The following RIT2 variants were observed in gnomAD, a reference collection of about 807,000 sequenced individuals.
The protein encoded by RIT2 is GTP-binding protein Rit2.
Under a neutral mutation model 23.7 loss-of-function variants are expected in RIT2, and 24 were observed. That is an observed-to-expected ratio of 1.01 (90% CI 0.73 to 1.43). The LOEUF is 1.43. Among genes scored for constraint, RIT2 ranks in the 40% most tolerant of loss-of-function variants. The pLI is 0.00. For missense variants in RIT2, 236 were observed against 266.9 expected, an observed-to-expected ratio of 0.88 and a Z score of 0.81; for synonymous variants, 107 against 91.1, an observed-to-expected ratio of 1.17 and a Z score of -0.99.
intron 2 of RIT2, among the ~76,000 whole-genome samples, chr18:43,033,409 A>G (rs571068625): frequency 6.6e-6 from 1 of 152,290 alleles, no homozygotes; most frequent in Non-Finnish European, 1.5e-5. Context: ...TAACATGGCT[A>G]AATAACTCTG....
intron 1 of RIT2, among the ~76,000 whole-genome samples, chr18:43,087,437 G>C (rs1913312185): frequency 6.6e-6 from 1 of 152,006 alleles, no homozygotes; most frequent in Non-Finnish European, 1.5e-5. Flanking sequence ...AGATAATCCT[G>C]GGAGGCACCT....
chr18:43,029,918 C>T (rs1911816589), intron 2 of RIT2, among the ~76,000 whole-genome samples: 1 of 151,844 alleles, frequency 6.6e-6, no homozygotes, highest in Admixed American at 6.6e-5. Flanking sequence ...ACTAGAACAC[C>T]TTTGATTAGT....
chr18:43,049,086 A>T lies in RIT2; in HGVS notation c.104-15219T>A, dbSNP rs1220575242. Among the ~76,000 whole-genome samples the T allele has an allele frequency of 1.3e-5, 2 of 152,152 alleles. 1 individual carries two copies. Among genetic ancestry groups the T allele is most frequent in the Non-Finnish European group, 2.9e-5 (2 of 68,024 alleles). On this transcript the variant is annotated intron_variant, in intron 1 of 4. Transcript: ENST00000326695. ...ATACATAAATTGTAGCATCACTAGT[A>T]TGGCACTCCAACTCTCTGGAGGAAA...
chr18:43,093,476 T>C (rs1913472974), intron 1 of RIT2, among the ~76,000 whole-genome samples: 1 of 151,916 alleles, frequency 6.6e-6, no homozygotes, highest in Admixed American at 6.6e-5. Context: ...TTTATTGTTA[T>C]AGACCTAGTT....
intron 3 of RIT2, among the ~76,000 whole-genome samples, chr18:42,945,585 G>A (rs1227389467): frequency 1.3e-5 from 2 of 152,118 alleles, no homozygotes; most frequent in African/African-American, 2.4e-5. Context: ...CATGACAGAA[G>A]AAGCATTAGT....
intron 1 of RIT2, among the ~76,000 whole-genome samples, chr18:43,085,311 A>G (rs765471273): frequency 1.3e-5 from 2 of 152,126 alleles, no homozygotes; most frequent in Non-Finnish European, 2.9e-5. Context: ...ACTGATTCAC[A>G]TATCTATTAC....
At chr18:43,077,498 CT>C (rs1344750768) in intron 1 of RIT2, among the ~76,000 whole-genome samples, 1 of 152,036 alleles carries the variant, frequency 6.6e-6, no homozygotes. Flanking sequence ...GAGTTTAAGC[CT>C]GGCCCTTTGT....
chr18:42,945,075 A>G (rs369486867), intron 3 of RIT2, among the ~76,000 whole-genome samples: 1 of 152,104 alleles, frequency 6.6e-6, no homozygotes, highest in East Asian at 1.9e-4. Context: ...TTATAAAATA[A>G]TATTTCTCAA....
intron 4 of RIT2, among the ~76,000 whole-genome samples, chr18:42,759,783 AT>A (rs1477126527): frequency 2.0e-5 from 3 of 148,532 alleles, no homozygotes; most frequent in Non-Finnish European, 4.5e-5. Flanking sequence ...ATATATATAA[AT>A]TTTTTTTTCA....
At chr18:43,104,257 G>T (rs1323018802) in intron 1 of RIT2, among the ~76,000 whole-genome samples, 1 of 152,146 alleles carries the variant, frequency 6.6e-6, no homozygotes, top group Non-Finnish European at 1.5e-5. Flanking sequence ...TAGAACTGTG[G>T]TCATTAGAGG....
intron 1 of RIT2, among the ~76,000 whole-genome samples, chr18:43,059,275 T>C (rs1912584869): frequency 6.6e-6 from 1 of 152,072 alleles, no homozygotes; most frequent in Admixed American, 6.6e-5. Context: ...ATTTATCTGT[T>C]TTATGGATGT....
Position 42,828,003 on chromosome 18 carries a change from C to CAA in RIT2, c.427-84285_427-84284dup, listed in dbSNP as rs200737336. ...TGGGCAACAGAGCAAGACTCCGTCT[C>CAA]AAAAAAAAAAAAAAAAAAAAAAAAG... On this transcript the variant is annotated intron_variant, in intron 4 of 4. Coordinates refer to ENST00000326695, the MANE Select transcript of RIT2 (RefSeq NM_002930.4). Among the ~76,000 whole-genome samples, 209 of 51,072 alleles carry CAA rather than the reference C, an allele frequency of 4.1e-3. 1 individual carries two copies. The highest frequency in any genetic ancestry group is 5.2e-3 in the Non-Finnish European group (128 of 24,816). The allele number at this position is 51,072 out of a possible 152,430, so 33.5% of individuals were successfully genotyped here.
intron 2 of RIT2, among the ~76,000 whole-genome samples, chr18:42,988,502 G>A (rs1274505981): frequency 6.6e-6 from 1 of 152,150 alleles, no homozygotes; most frequent in Non-Finnish European, 1.5e-5. Context: ...ACAGAATGAT[G>A]TTGAAGGACC....
chr18:43,115,601 A>G lies in RIT2; in HGVS notation c.-82T>C. The G allele has an allele frequency of 6.6e-7, 1 of 1,521,780 alleles. No individual in the cohort carries two copies. The highest frequency in any genetic ancestry group is 2.4e-5 in the East Asian group (1 of 42,534). 94.3% of individuals were successfully genotyped at this position (1,521,780 alleles called of 1,614,324 possible). ...TGCTCGAATATTAAGCAACTCTAAA[A>G]CTGTGTCAAAGCAAAGGTTTTAGTA... On this transcript the variant is annotated 5_prime_UTR_variant, in exon 1 of 5. Coordinates refer to ENST00000326695, the MANE Select transcript of RIT2 (RefSeq NM_002930.4).
chr18:42,887,088 A>G (rs1383737441), intron 4 of RIT2, among the ~76,000 whole-genome samples: 1 of 152,184 alleles, frequency 6.6e-6, no homozygotes, highest in Non-Finnish European at 1.5e-5. Flanking sequence ...GTTTCATTTA[A>G]TTCATTTTGA....
intron 2 of RIT2, among the ~76,000 whole-genome samples, chr18:43,024,632 C>G (rs925781968): frequency 2.8e-4 from 42 of 151,878 alleles, no homozygotes; most frequent in Non-Finnish European, 3.7e-4. Context: ...AGACAACCTG[C>G]AGGACAGGAG....
intron 2 of RIT2, among the ~76,000 whole-genome samples, chr18:43,029,012 C>T (rs923790199): frequency 1.3e-5 from 2 of 152,020 alleles, no homozygotes; most frequent in African/African-American, 4.8e-5. Context: ...GGTCTAACAG[C>T]CATTGAGCAC....
intron 2 of RIT2, among the ~76,000 whole-genome samples, chr18:43,026,526 C>T (rs1426027087): frequency 6.8e-6 from 1 of 146,750 alleles, no homozygotes; most frequent in Non-Finnish European, 1.5e-5. Context: ...TGCACTCCAG[C>T]CTGGCAACAG....
chr18:43,102,489 C>G (rs181642450), intron 1 of RIT2, among the ~76,000 whole-genome samples: 247 of 110,282 alleles, frequency 2.2e-3, no homozygotes, highest in African/African-American at 8.3e-3. Flanking sequence ...GTCCACAGTT[C>G]TGGTGTGCGG....
Sources: gnomAD v4.1 joint callset for allele counts (sites outside exome capture counted in the v4.1 genomes callset) on GRCh38, gnomAD v4.1.1 for gene constraint, MANE v1.5 for transcripts, NCBI Gene and HGNC (gene_info 2026-07-23, HGNC 2026-07-21) for gene names.